AP2A1: variants seen among roughly 807,000 people sequenced by gnomAD.
AP2A1 encodes the protein adaptor related protein complex 2 subunit alpha 1, also known as AP-2 complex subunit alpha-1.
Under a neutral mutation model 107.3 loss-of-function variants are expected in AP2A1, and 21 were observed. The ratio of observed to expected loss-of-function variants is 0.20; its 90% CI spans 0.14 to 0.28. AP2A1 has a LOEUF of 0.28. Among genes scored for constraint, AP2A1 ranks in the 10% least tolerant of loss-of-function variants. The pLI, the probability that AP2A1 is intolerant of heterozygous loss-of-function variation, is 1.00. For missense variants in AP2A1, 873 were observed against 1,307.7 expected, an observed-to-expected ratio of 0.67 and a Z score of 5.13; for synonymous variants, 602 against 564.8, an observed-to-expected ratio of 1.07 and a Z score of -0.93.
chr19:49,785,928 AC>A lies in AP2A1; in HGVS notation c.473+3205del, dbSNP rs1448061910. The stretch of plus-strand genomic sequence containing the variant: ...CGAGACTCCATCTCAAAAAAAAAAA[AC>A]ATTAGTGGGGTGCAGTGGTGCACAC... On this transcript the variant is annotated intron_variant, in intron 4 of 22. Coordinates refer to ENST00000354293, the MANE Select transcript of AP2A1 (RefSeq NM_130787.3). This position sits in a 1 kb window ranked among gnomAD's most constrained non-coding sequence, Gnocchi z 4.1. 1.3e-4 allele frequency among the ~76,000 whole-genome samples: 20 copies of A among 151,896 alleles called. No individual in the cohort carries two copies. Among genetic ancestry groups the A allele is most frequent in the Non-Finnish European group, 2.4e-4 (16 of 67,944 alleles).
intron 4 of AP2A1, among the ~76,000 whole-genome samples, chr19:49,783,750 G>C (rs1468315060): frequency 6.6e-6 from 1 of 152,204 alleles, no homozygotes; most frequent in Non-Finnish European, 1.5e-5. Flanking sequence ...CAGCCTCTGG[G>C]AACAGAAGAC....
rs775554842 is a variant in AP2A1, at chr19:49,805,590, G to T, written c.2468+14G>T. On this transcript the variant is annotated intron_variant, in intron 19 of 22. Transcript: ENST00000354293. ...CGTGCGCTTCCGGTGAGTCAGGTAC[G>T]GCGCGGCCGGTGGGCGGAGCCTCCG... 13 of 1,565,150 alleles carry T rather than the reference G, an allele frequency of 8.3e-6. No individual in the cohort carries two copies. In the Admixed American group the frequency reaches 2.3e-4, roughly 27 times the overall value.
chr19:49,793,755 T>A (rs956944957), intron 6 of AP2A1, among the ~76,000 whole-genome samples: 1 of 152,000 alleles, frequency 6.6e-6, no homozygotes, highest in African/African-American at 2.4e-5. Context: ...ACACAGCCTG[T>A]GAGTCCACGA....
chr19:49,795,603 AACTTATTTCTTGCTCTT>A lies in AP2A1; in HGVS notation c.706-26_706-10del. On this transcript the variant is annotated splice_polypyrimidine_tract_variant and intron_variant, in intron 6 of 22. Coordinates refer to ENST00000354293, the MANE Select transcript of AP2A1 (RefSeq NM_130787.3). The stretch of plus-strand genomic sequence containing the variant: ...ACGTGCCCCTCCCACCCCAGCCCCC[AACTTATTTCTTGCTCTT>A]CCCCGCCAGATCGTCTCCTCTGCCT... 3.2e-5 allele frequency: 8 copies of A among 246,848 alleles called. No homozygotes were observed. The highest frequency in any genetic ancestry group is 8.8e-5 in the Admixed American group (1 of 11,374). 15.3% of individuals were successfully genotyped at this position (246,848 alleles called of 1,614,324 possible).
chr19:49,786,651 A>T (rs2084740714), intron 4 of AP2A1, among the ~76,000 whole-genome samples: 1 of 152,136 alleles, frequency 6.6e-6, no homozygotes, highest in Admixed American at 6.5e-5. Context: ...TCAGGCCATG[A>T]CTCAGAATGC....
chr19:49,793,907 T>C (rs796602874), intron 6 of AP2A1, among the ~76,000 whole-genome samples: 4 of 135,776 alleles, frequency 2.9e-5, no homozygotes, highest in African/African-American at 8.2e-5. Flanking sequence ...TCTTTTTTTT[T>C]TTTTTTTTTT....
intron 15 of AP2A1, chr19:49,802,560 G>T: frequency 6.2e-7 from 1 of 1,606,238 alleles, no homozygotes; most frequent in Non-Finnish European, 8.5e-7. Context: ...GCCCCCGAGA[G>T]CCCCATGGCT....
intron 1 of AP2A1, among the ~76,000 whole-genome samples, chr19:49,780,444 C>T (rs767141607): frequency 2.0e-5 from 3 of 152,114 alleles, no homozygotes; most frequent in Non-Finnish European, 2.9e-5. Flanking sequence ...AGAGGATGTG[C>T]GTGTTCCCGG....
chr19:49,797,176 C>T (rs1399260986), intron 7 of AP2A1: 1 of 152,244 alleles, frequency 6.6e-6, no homozygotes, highest in East Asian at 1.9e-4. Context: ...GAGACACAGC[C>T]TTGTCCTGAG....
intron 1 of AP2A1, among the ~76,000 whole-genome samples, chr19:49,768,676 T>C (rs975138784): frequency 2.6e-5 from 4 of 151,802 alleles, no homozygotes; most frequent in African/African-American, 9.7e-5. Context: ...GGAGGAGAAA[T>C]GATCACTTGT....
rs749992989 is a variant in AP2A1 at position 49,802,439 on chromosome 19, C to A, written c.2114+298C>A. On this transcript the variant is annotated intron_variant, in intron 15 of 22. Transcript: ENST00000354293. ...CTCTCCTTCCCTCTTCCGTCCCTCC[C>A]TCTCTGTCTCTCTTCTGCCCTCTCG... 7 of 1,230,704 alleles carry A rather than the reference C, an allele frequency of 5.7e-6. No homozygotes were observed. The South Asian group carries it at 7.6e-5, about 13-fold the overall frequency. 76.2% of individuals were successfully genotyped at this position (1,230,704 alleles called of 1,614,324 possible).
In AP2A1 at chr19:49,781,936, C is replaced by T. The variant is rs765450995; in HGVS notation, c.137-11C>T. 4 of 1,610,946 alleles carry T rather than the reference C, an allele frequency of 2.5e-6. No individual in the cohort carries two copies. Among genetic ancestry groups the T allele is most frequent in the East Asian group, 4.5e-5 (2 of 44,662 alleles). On this transcript the variant is annotated splice_polypyrimidine_tract_variant and intron_variant, in intron 2 of 22. Coordinates refer to ENST00000354293, the MANE Select transcript of AP2A1 (RefSeq NM_130787.3). ...ATTTCTGGCTCCCCTTTCCTCCTTC[C>T]TCTGCCCTAGGAGACAAAGCCTTGG... is the stretch of plus-strand genomic sequence containing the variant.
intron 4 of AP2A1, among the ~76,000 whole-genome samples, chr19:49,789,583 G>T (rs565944864): frequency 1.4e-5 from 2 of 145,256 alleles, no homozygotes; most frequent in Admixed American, 7.0e-5. Context: ...GAGCCACTGC[G>T]CCTGGCCTTT....
intron 15 of AP2A1, 73 bp downstream of exon 15, chr19:49,802,214 T>C: frequency 7.9e-7 from 1 of 1,267,696 alleles, no homozygotes; most frequent in Middle Eastern, 1.8e-4. Context: ...TCTGTCCCCG[T>C]TTTCCCTGAG....
intron 7 of AP2A1, chr19:49,796,621 C>T (rs982576957): frequency 2.0e-5 from 3 of 152,256 alleles, no homozygotes; most frequent in Non-Finnish European, 2.9e-5. Context: ...CTGTGTGTGT[C>T]GATACCTGCC....
In AP2A1 at chr19:49,799,755, C is replaced by T. The variant is rs2073254316; in HGVS notation, c.1261C>T (p.Arg421Cys). 1 of 1,613,296 alleles carries T rather than the reference C, an allele frequency of 6.2e-7. No individual in the cohort carries two copies. Residue 421 changes from arginine (R) to cysteine (C), a missense_variant, in exon 10 of 23, where the codon CGC becomes TGC. By Grantham distance (180) the Arg-to-Cys change is radical. Coordinates refer to ENST00000354293, the MANE Select transcript of AP2A1 (RefSeq NM_130787.3). ...RYLETADYAI[R>C]EEIVLKVAIL... ...CCTGGAGACGGCAGACTACGCCATCCGCGAGGAGATCGTGAGTGCTGTGGG... is the reference window on the plus strand; with the variant it reads ...CCTGGAGACGGCAGACTACGCCATCTGCGAGGAGATCGTGAGTGCTGTGGG...
At chr19:49,798,669 G>A in intron 7 of AP2A1, 133 bp from the exon 8 acceptor site, 2 of 1,221,114 alleles carry the variant, frequency 1.6e-6, no homozygotes, top group Non-Finnish European at 2.2e-6. Context: ...GCCCTGAGCT[G>A]CAGAATTCTC....
chr19:49,800,650 T>C (rs547842022), intron 11 of AP2A1: 15 of 297,778 alleles, frequency 5.0e-5, no homozygotes, highest in Non-Finnish European at 8.9e-5. Flanking sequence ...TTTGTATTTT[T>C]AGTAGAGACG....
rs2073149868 is a variant in AP2A1, at chr19:49,792,070, C to T, written c.603+6C>T. 2 of 1,610,746 alleles carry T rather than the reference C, an allele frequency of 1.2e-6. No homozygotes were observed. Among genetic ancestry groups the T allele is most frequent in the Non-Finnish European group, 1.7e-6 (2 of 1,179,106 alleles). ...TGCTCAATGACCAGCACATGGTGAG[C>T]CCCCAGCCCTCACACCCCCGGATAC... On this transcript the variant is annotated splice_donor_region_variant and intron_variant, in intron 5 of 22. Transcript: ENST00000354293.
Sources: allele counts gnomAD v4.1 joint callset (sites outside exome capture counted in the v4.1 genomes callset), GRCh38; gene constraint gnomAD v4.1.1; non-coding constraint Gnocchi (gnomAD v3.1); transcripts MANE v1.5; gene names NCBI Gene and HGNC (gene_info 2026-07-23, HGNC 2026-07-21).